MARCHF1: variants seen among roughly 807,000 people sequenced by gnomAD.
The protein encoded by MARCHF1 is membrane associated ring-CH-type finger 1.
Under a neutral mutation model 54.2 loss-of-function variants are expected in MARCHF1, and 40 were observed. The ratio of observed to expected loss-of-function variants is 0.74; its 90% CI spans 0.57 to 0.96. The LOEUF (loss-of-function observed/expected upper bound fraction) is 0.96, where lower values mean the gene tolerates loss of function less well. MARCHF1 is among the 40% of genes least tolerant of loss of function. The pLI, the probability that MARCHF1 is intolerant of heterozygous loss-of-function variation, is 0.00. For synonymous variants in MARCHF1, 236 were observed against 236.3 expected (o/e 1.00, Z 0.01); for missense variants, 586 against 656.5 (o/e 0.89, Z 1.17).
At chr4:163,912,170 C>T (rs1259757164) in intron 3 of MARCHF1, among the ~76,000 whole-genome samples, 1 of 151,702 alleles carries the variant, frequency 6.6e-6, no homozygotes, top group African/African-American at 2.4e-5. Flanking sequence ...TTTGTGTGAC[C>T]ATTTCTGCTT....
At chr4:163,700,501 T>C (rs150596254) in intron 5 of MARCHF1, among the ~76,000 whole-genome samples, 14 of 131,300 alleles carry the variant, frequency 1.1e-4, no homozygotes, top group Admixed American at 4.3e-4. Context: ...TAAGACTCTG[T>C]CTAAAAAGAT....
At chr4:163,986,246 CTTCTTTT>C (rs1273581405) in intron 3 of MARCHF1, among the ~76,000 whole-genome samples, 5 of 73,756 alleles carry the variant, frequency 6.8e-5, no homozygotes, top group Admixed American at 3.9e-4. Flanking sequence ...TAATTAACCT[CTTCTTTT>C]TTTTTTTTTT....
intron 1 of MARCHF1, among the ~76,000 whole-genome samples, chr4:164,276,758 T>C (rs999753414): frequency 6.7e-6 from 1 of 150,178 alleles, no homozygotes; most frequent in Non-Finnish European, 1.5e-5. Context: ...ACTGTAACTG[T>C]AAAATGTAAA....
intron 4 of MARCHF1, among the ~76,000 whole-genome samples, chr4:163,770,649 T>C (rs1426911561): frequency 6.6e-6 from 1 of 152,160 alleles, no homozygotes; most frequent in Non-Finnish European, 1.5e-5. Context: ...TCAGGTCTTT[T>C]TTTTATCTGT....
At chr4:163,646,602 A>C (rs1214569271) in intron 5 of MARCHF1, among the ~76,000 whole-genome samples, 1 of 152,138 alleles carries the variant, frequency 6.6e-6, no homozygotes, top group Non-Finnish European at 1.5e-5. Context: ...ACAATATAAA[A>C]ATATGTAAAT....
At chr4:164,035,384 C>T (rs575386076) in intron 2 of MARCHF1, among the ~76,000 whole-genome samples, 7 of 151,670 alleles carry the variant, frequency 4.6e-5, no homozygotes, top group Non-Finnish European at 8.8e-5. Context: ...AAGGAGTTCT[C>T]CATAGGTTTG....
intron 1 of MARCHF1, among the ~76,000 whole-genome samples, chr4:164,207,475 T>C (rs887363724): frequency 6.6e-6 from 1 of 152,308 alleles, no homozygotes; most frequent in Admixed American, 6.5e-5. Context: ...TTGTGATAGT[T>C]TCAATAAAGG....
intron 4 of MARCHF1, among the ~76,000 whole-genome samples, chr4:163,764,244 A>G (rs759979082): frequency 5.3e-5 from 8 of 152,068 alleles, no homozygotes; most frequent in Non-Finnish European, 1.0e-4. Flanking sequence ...CGAAGGAAAA[A>G]GAGGAAATTA....
Position 163,612,264 on chromosome 4 carries a change from G to T in MARCHF1, c.1010+7C>A. On this transcript the variant is annotated splice_region_variant and intron_variant, in intron 7 of 9. Coordinates refer to ENST00000514618, the MANE Select transcript of MARCHF1 (RefSeq NM_001394959.1). ...ATGACATCAAGCCTTTCTCTACAGTGACTGACCTGCATACTTCTAAATTAT... is the reference window on the plus strand; with the variant it reads ...ATGACATCAAGCCTTTCTCTACAGTTACTGACCTGCATACTTCTAAATTAT... The T allele has an allele frequency of 6.7e-7, 1 of 1,483,106 alleles. No individual in the cohort carries two copies. Among genetic ancestry groups the T allele is most frequent in the South Asian group, 1.4e-5 (1 of 73,164 alleles). The allele number at this position is 1,483,106 out of a possible 1,614,324, so 91.9% of individuals were successfully genotyped here.
chr4:163,543,010 G>A (rs1738771520), intron 9 of MARCHF1, among the ~76,000 whole-genome samples: 1 of 152,170 alleles, frequency 6.6e-6, no homozygotes, highest in African/African-American at 2.4e-5. Context: ...GGAAAGCTGA[G>A]CAAGGGCCTG....
At chr4:164,304,049 A>T (rs1266815585) in intron 1 of MARCHF1, among the ~76,000 whole-genome samples, 1 of 152,188 alleles carries the variant, frequency 6.6e-6, no homozygotes, top group African/African-American at 2.4e-5. Flanking sequence ...TCTAAAACAC[A>T]TTCTTGAAAA....
intron 4 of MARCHF1, among the ~76,000 whole-genome samples, chr4:163,711,113 G>A (rs536709051): frequency 6.6e-6 from 1 of 151,284 alleles, no homozygotes; most frequent in Non-Finnish European, 1.5e-5. Context: ...GTAATTTTTT[G>A]TAAATTACAC....
intron 1 of MARCHF1, among the ~76,000 whole-genome samples, chr4:164,147,575 C>A (rs76241559): frequency 0.83 from 111,505 of 134,450 alleles, 46,754 homozygotes; most frequent in Non-Finnish European, 0.89. Flanking sequence ...TCACAAGAAC[C>A]AAAAACCAAA....
chr4:164,378,221 C>T (rs772377787), intron 1 of MARCHF1, among the ~76,000 whole-genome samples: 15 of 152,164 alleles, frequency 9.9e-5, no homozygotes, highest in South Asian at 2.1e-4. Flanking sequence ...ACTAAGAATA[C>T]GGGCTTTGCC....
chr4:163,658,905 T>A (rs1743248406), intron 5 of MARCHF1, among the ~76,000 whole-genome samples: 1 of 151,966 alleles, frequency 6.6e-6, no homozygotes. Context: ...CATGTTTACC[T>A]ATGTAACAAA....
chr4:163,763,978 A>C (rs1386946211), intron 4 of MARCHF1, among the ~76,000 whole-genome samples: 1 of 152,076 alleles, frequency 6.6e-6, no homozygotes, highest in Non-Finnish European at 1.5e-5. Context: ...TCTCATTTTA[A>C]ATTTTTCTTG....
chr4:163,759,630 C>A (rs764911599), intron 4 of MARCHF1, among the ~76,000 whole-genome samples: 2 of 152,164 alleles, frequency 1.3e-5, no homozygotes, highest in Non-Finnish European at 2.9e-5. Flanking sequence ...CTGAAATGAA[C>A]TTGGCATAAT....
At chr4:163,794,489 A>G (rs184770860) in intron 4 of MARCHF1, among the ~76,000 whole-genome samples, 13 of 152,216 alleles carry the variant, frequency 8.5e-5, no homozygotes. Context: ...ATAGGACAGT[A>G]ATTCTCTAAA....
In MARCHF1 at chr4:164,188,821, G is replaced by A. The variant is rs886764446; in HGVS notation, c.-322-77159C>T. 1.2e-4 allele frequency: 100 copies of A among 800,222 alleles called. No individual in the cohort carries two copies. The Admixed American group carries it at 1.6e-3, about 13-fold the overall frequency. 49.6% of individuals were successfully genotyped at this position (800,222 alleles called of 1,614,324 possible). A position where few individuals can be genotyped will look rare whatever the true frequency, so the allele number is the denominator to read the frequency against. ...TTGCTCCTGAAGAAATTTCTGCCAT[G>A]GTTCTCACTAAAATGCAATAAACCG... is the stretch of plus-strand genomic sequence containing the variant. On this transcript the variant is annotated intron_variant, in intron 1 of 9. Coordinates refer to ENST00000514618, the MANE Select transcript of MARCHF1 (RefSeq NM_001394959.1).
Sources: gnomAD v4.1 joint callset for allele counts (sites outside exome capture counted in the v4.1 genomes callset) on GRCh38, gnomAD v4.1.1 for gene constraint, MANE v1.5 for transcripts, NCBI Gene and HGNC (gene_info 2026-07-23, HGNC 2026-07-21) for gene names.